The following ADAMTSL3 variants were observed in gnomAD, a reference collection of about 807,000 sequenced individuals.
ADAMTSL3 encodes ADAMTS-like protein 3.
A neutral mutation model predicts 201.7 loss-of-function variants in ADAMTSL3; 128 were observed. The observed-to-expected ratio is 0.63, with a 90% confidence interval of 0.55 to 0.73. The LOEUF is 0.73. Ranked by LOEUF, ADAMTSL3 falls within the 30% of genes least tolerant of loss-of-function variation. ADAMTSL3 has a pLI of 0.00. For missense variants in ADAMTSL3, 1,990 were observed against 2,119.6 expected, an observed-to-expected ratio of 0.94 and a Z score of 1.20; for synonymous variants, 738 against 748.4, an observed-to-expected ratio of 0.99 and a Z score of 0.23.
At chr15:83,730,491 A>G (rs2062248268) in intron 3 of ADAMTSL3, among the ~76,000 whole-genome samples, 1 of 152,154 alleles carries the variant, frequency 6.6e-6, no homozygotes, top group Admixed American at 6.6e-5. Flanking sequence ...CTCCATGGAA[A>G]GAGGTAAAAA....
chr15:83,779,990 A>G (rs535792976), intron 4 of ADAMTSL3, among the ~76,000 whole-genome samples: 2 of 152,312 alleles, frequency 1.3e-5, no homozygotes, highest in Non-Finnish European at 2.9e-5. Flanking sequence ...AAAGATCTCA[A>G]TTTAACAACA....
chr15:84,010,865 A>G (rs778960268), intron 23 of ADAMTSL3, among the ~76,000 whole-genome samples: 2 of 152,170 alleles, frequency 1.3e-5, no homozygotes, highest in Non-Finnish European at 2.9e-5. Context: ...ATGCTTTCCT[A>G]CATCTGCACT....
intron 3 of ADAMTSL3, among the ~76,000 whole-genome samples, chr15:83,767,491 G>C (rs1236842079): frequency 6.6e-6 from 1 of 152,166 alleles, no homozygotes; most frequent in Admixed American, 6.5e-5. Flanking sequence ...GGGGAATTGG[G>C]AGCAGCTATA....
chr15:83,945,216 A>G (rs1445460970), intron 19 of ADAMTSL3, among the ~76,000 whole-genome samples: 3 of 152,098 alleles, frequency 2.0e-5, no homozygotes, highest in Non-Finnish European at 4.4e-5. Flanking sequence ...GCAGCTGGAG[A>G]CAGTGCCAGT....
chr15:83,724,103 A>G (rs1304426435), intron 3 of ADAMTSL3, among the ~76,000 whole-genome samples: 1 of 147,856 alleles, frequency 6.8e-6, no homozygotes, highest in Non-Finnish European at 1.5e-5. Flanking sequence ...ATTTATTTTT[A>G]TTTTATTTTT....
In ADAMTSL3 at chr15:83,937,965, T is replaced by A. The variant is rs1041442306; in HGVS notation, c.2118-4631T>A. 2.1e-4 allele frequency among the ~76,000 whole-genome samples: 31 copies of A among 150,916 alleles called. 3 individuals are homozygous for A. Among genetic ancestry groups the A allele is most frequent in the African/African-American group, 7.7e-4 (31 of 40,268 alleles). On this transcript the variant is annotated intron_variant, in intron 17 of 29. Coordinates refer to ENST00000286744, the MANE Select transcript of ADAMTSL3 (RefSeq NM_207517.3). ...TTTCAGGAGCTAAGGGAGATTAAAT[T>A]GAAAGAAAACACAAAGTCATACCAA...
intron 8 of ADAMTSL3, among the ~76,000 whole-genome samples, chr15:83,870,167 T>C (rs973945813): frequency 2.0e-5 from 3 of 152,208 alleles, no homozygotes; most frequent in African/African-American, 7.2e-5. Context: ...GGGAGGTCTT[T>C]GTGGCAATGG....
chr15:83,658,829 C>A (rs997316286), intron 2 of ADAMTSL3, among the ~76,000 whole-genome samples: 1 of 152,212 alleles, frequency 6.6e-6, no homozygotes. Context: ...AAGATGAGTC[C>A]TGTGTTGACT....
intron 15 of ADAMTSL3, among the ~76,000 whole-genome samples, chr15:83,910,252 G>T (rs1054703964): frequency 1.9e-4 from 29 of 151,804 alleles, no homozygotes; most frequent in African/African-American, 7.0e-4. Flanking sequence ...GTGCAAAGAC[G>T]TAGGTAACAC....
intron 4 of ADAMTSL3, among the ~76,000 whole-genome samples, chr15:83,787,810 TTC>T (rs1048134873): frequency 1.3e-5 from 2 of 151,884 alleles, no homozygotes; most frequent in African/African-American, 4.8e-5. Flanking sequence ...TTCTCTTCCT[TTC>T]TCTCTCCCCC....
rs1220250563 is a variant in ADAMTSL3, at chr15:84,014,758, C to T, written c.4156+34C>T. 9 of 1,573,238 alleles carry T rather than the reference C, an allele frequency of 5.7e-6. No individual in the cohort carries two copies. The African/African-American group carries it at 1.1e-4, about 19-fold the overall frequency. On this transcript the variant is annotated intron_variant, in intron 24 of 29. Transcript: ENST00000286744. The stretch of plus-strand genomic sequence containing the variant: ...CAAATTCTTATTGCTCCTTAAGTGC[C>T]TCCTGTAATATGCACAAAGTAGGCC...
At chr15:83,911,784 A>G (rs767181071) in intron 15 of ADAMTSL3, among the ~76,000 whole-genome samples, 1 of 152,236 alleles carries the variant, frequency 6.6e-6, no homozygotes, top group Non-Finnish European at 1.5e-5. Flanking sequence ...TGAGAACCTT[A>G]CAACCCTGTC....
chr15:83,696,406 T>C (rs2141476350), intron 2 of ADAMTSL3, among the ~76,000 whole-genome samples: 1 of 152,320 alleles, frequency 6.6e-6, no homozygotes, highest in African/African-American at 2.4e-5. Context: ...GAGATAGGCC[T>C]ACCTATGCAT....
Position 83,926,114 on chromosome 15 carries a change from G to A in ADAMTSL3, c.2117+2081G>A, listed in dbSNP as rs74642519. On this transcript the variant is annotated intron_variant, in intron 17 of 29. Transcript: ENST00000286744. ...AATAAATTGGTGGGGCAGGGAAGCC[G>A]GGGAGGTTGGTGCAGGTCATTCCTG... 1.4e-4 allele frequency among the ~76,000 whole-genome samples: 22 copies of A among 152,328 alleles called. No homozygotes were observed. In the East Asian group the frequency reaches 3.7e-3, roughly 25 times the overall value.
chr15:83,906,169 C>T (rs1281883751), intron 15 of ADAMTSL3, among the ~76,000 whole-genome samples: 1 of 152,148 alleles, frequency 6.6e-6, no homozygotes, highest in African/African-American at 2.4e-5. Flanking sequence ...TTAAACTGTG[C>T]AAGTACTCTG....
chr15:83,815,599 G>T (rs1395098688), intron 5 of ADAMTSL3, among the ~76,000 whole-genome samples: 1 of 152,218 alleles, frequency 6.6e-6, no homozygotes, highest in Admixed American at 6.5e-5. Flanking sequence ...TCCCTAGCTT[G>T]TCTTGAGCTG....
chr15:83,801,692 A>ATATATATATGTATG (rs1555445626), intron 4 of ADAMTSL3, among the ~76,000 whole-genome samples: 2 of 86,244 alleles, frequency 2.3e-5, no homozygotes, highest in African/African-American at 8.3e-5. Flanking sequence ...ATATATATAT[A>ATATATATATGTATG]TATGTATGTA....
chr15:83,875,117 A>G (rs2065154072), intron 9 of ADAMTSL3, among the ~76,000 whole-genome samples: 3 of 152,224 alleles, frequency 2.0e-5, no homozygotes, highest in South Asian at 4.1e-4. Flanking sequence ...CCTGTGAGAA[A>G]AAAGAGGGAG....
At chr15:83,948,276 A>G (rs140608298) in intron 19 of ADAMTSL3, among the ~76,000 whole-genome samples, 2 of 152,188 alleles carry the variant, frequency 1.3e-5, no homozygotes, top group African/African-American at 4.8e-5. Flanking sequence ...GTGCTCAGTC[A>G]CATAGGGTTG....
Sources: gnomAD v4.1 joint callset for allele counts (sites outside exome capture counted in the v4.1 genomes callset) on GRCh38, gnomAD v4.1.1 for gene constraint, MANE v1.5 for transcripts, NCBI Gene and HGNC (gene_info 2026-07-23, HGNC 2026-07-21) for gene names.